LRRC4C: variants seen among roughly 807,000 people sequenced by gnomAD.
The protein encoded by LRRC4C is leucine rich repeat containing 4C.
A neutral mutation model predicts 33.6 loss-of-function variants in LRRC4C; 5 were observed. The ratio of observed to expected loss-of-function variants is 0.15; its 90% CI spans 0.08 to 0.31. The LOEUF (loss-of-function observed/expected upper bound fraction) is 0.31. Ranked by LOEUF, LRRC4C falls within the 10% of genes least tolerant of loss-of-function variation. LRRC4C has a pLI of 1.00. For synonymous variants in LRRC4C, 329 were observed against 302.0 expected (o/e 1.09, Z -0.93); for missense variants, 560 against 796.7 (o/e 0.70, Z 3.58).
At chr11:40,351,236 T>A (rs1947367669) in intron 3 of LRRC4C, among the ~76,000 whole-genome samples, 1 of 152,052 alleles carries the variant, frequency 6.6e-6, no homozygotes, top group African/African-American at 2.4e-5. Context: ...TGATGATTTC[T>A]AGTTTTATTT....
intron 1 of LRRC4C, among the ~76,000 whole-genome samples, chr11:41,028,458 T>C (rs1330121479): frequency 6.6e-6 from 1 of 151,626 alleles, no homozygotes; most frequent in Non-Finnish European, 1.5e-5. Context: ...TCAGAATTAT[T>C]GCAATTTCAT....
chr11:41,437,286 G>A (rs1257234930), intron 1 of LRRC4C, among the ~76,000 whole-genome samples: 3 of 152,188 alleles, frequency 2.0e-5, no homozygotes, highest in Non-Finnish European at 2.9e-5. Context: ...TAGTTGTACA[G>A]TCTAGTCTCT....
At chr11:40,959,924 A>T in intron 1 of LRRC4C, among the ~76,000 whole-genome samples, 1 of 151,862 alleles carries the variant, frequency 6.6e-6, no homozygotes, top group African/African-American at 2.4e-5. Context: ...GTAAATTTTT[A>T]TTTTCAATAA....
chr11:40,713,818 A>G (rs1389420623), intron 2 of LRRC4C, among the ~76,000 whole-genome samples: 1 of 152,230 alleles, frequency 6.6e-6, no homozygotes, highest in African/African-American at 2.4e-5. Flanking sequence ...CCCCAAACAA[A>G]GAGACTGTAG....
intron 2 of LRRC4C, among the ~76,000 whole-genome samples, chr11:40,677,407 A>T (rs1944460470): frequency 6.6e-6 from 1 of 152,086 alleles, no homozygotes; most frequent in South Asian, 2.1e-4. Context: ...AACAAGACAA[A>T]CATATGAACA....
chr11:40,546,104 T>A (rs934487731), intron 3 of LRRC4C, among the ~76,000 whole-genome samples: 4 of 149,586 alleles, frequency 2.7e-5, no homozygotes, highest in African/African-American at 5.0e-5. Flanking sequence ...CTTCCTTCCT[T>A]CCTTCCTTCC....
At position 41,135,949 on chromosome 11, in the gene LRRC4C, T is replaced by C. The variant is rs12223980; in HGVS notation, c.-495-202226A>G. On this transcript the variant is annotated intron_variant, in intron 1 of 6. Transcript: ENST00000528697. ...TGCATGCCCTTTGCACCAGTTACAA[T>C]TGTAACCCTTATTGGACATCTACAC... Among the ~76,000 whole-genome samples, 87 of 150,368 alleles carry C rather than the reference T, an allele frequency of 5.8e-4. 2 individuals carry two copies. In the East Asian group the frequency reaches 0.017, roughly 30 times the overall value.
At chr11:41,171,070 G>A (rs922657321) in intron 1 of LRRC4C, among the ~76,000 whole-genome samples, 2 of 151,994 alleles carry the variant, frequency 1.3e-5, no homozygotes, top group Non-Finnish European at 2.9e-5. Flanking sequence ...TCTCACACCA[G>A]TTAGAATGGT....
intron 1 of LRRC4C, among the ~76,000 whole-genome samples, chr11:41,374,088 T>C (rs768955): frequency 0.18 from 26,923 of 152,154 alleles, 2,706 homozygotes; most frequent in East Asian, 0.41. Context: ...CTATGTGATC[T>C]TGATGACTTC....
chr11:41,449,768 G>GA (rs35510106), intron 1 of LRRC4C, among the ~76,000 whole-genome samples: 2,976 of 108,406 alleles, frequency 0.027, 89 homozygotes, highest in African/African-American at 0.082. Context: ...CCTCTTGATG[G>GA]AAAAAAAAAA....
chr11:40,724,544 A>AC (rs1246615967), intron 2 of LRRC4C, among the ~76,000 whole-genome samples: 1 of 151,690 alleles, frequency 6.6e-6, no homozygotes, highest in Non-Finnish European at 1.5e-5. Flanking sequence ...AAATAAAAAA[A>AC]ATTATTGGCA....
intron 3 of LRRC4C, among the ~76,000 whole-genome samples, chr11:40,567,865 T>C (rs1322098823): frequency 6.6e-6 from 1 of 152,208 alleles, no homozygotes; most frequent in Non-Finnish European, 1.5e-5. Flanking sequence ...TATTCATGTA[T>C]GTATACTTTT....
chr11:41,177,265 C>T lies in LRRC4C; in HGVS notation c.-495-243542G>A, dbSNP rs1028434020. Among the ~76,000 whole-genome samples, 21 of 152,186 alleles carry T rather than the reference C, an allele frequency of 1.4e-4. 2 individuals are homozygous for T. The highest frequency in any genetic ancestry group is 1.4e-3 in the Admixed American group (21 of 15,284). On this transcript the variant is annotated intron_variant, in intron 1 of 6. Coordinates refer to ENST00000528697, the MANE Select transcript of LRRC4C (RefSeq NM_001258419.2). ...GTGTATGTTCATCAACGGGGAATAA[C>T]CTGGTAGAAAAGTGCAAATGGTAAT...
intron 5 of LRRC4C, among the ~76,000 whole-genome samples, chr11:40,151,174 T>C (rs1858174215): frequency 6.6e-6 from 1 of 152,216 alleles, no homozygotes; most frequent in Non-Finnish European, 1.5e-5. Context: ...GAGTTTGCCC[T>C]GTCCAGTGAC....
chr11:40,759,221 A>ATATAT (rs1363371868), intron 2 of LRRC4C, among the ~76,000 whole-genome samples: 1 of 147,400 alleles, frequency 6.8e-6, no homozygotes, highest in Admixed American at 6.9e-5. Flanking sequence ...ATAATCGTCC[A>ATATAT]TATATTATAT....
chr11:41,342,396 T>C (rs1337639527), intron 1 of LRRC4C, among the ~76,000 whole-genome samples: 1 of 152,156 alleles, frequency 6.6e-6, no homozygotes, highest in Non-Finnish European at 1.5e-5. Context: ...TATTTAGAAA[T>C]GACCCTCAAC....
At chr11:40,620,605 A>G (rs1489973398) in intron 3 of LRRC4C, among the ~76,000 whole-genome samples, 1 of 151,840 alleles carries the variant, frequency 6.6e-6, no homozygotes, top group African/African-American at 2.4e-5. Flanking sequence ...TACAAATAAA[A>G]TGATGAAGTG....
intron 5 of LRRC4C, among the ~76,000 whole-genome samples, chr11:40,208,277 A>G (rs1477744151): frequency 6.6e-6 from 1 of 152,194 alleles, no homozygotes; most frequent in Non-Finnish European, 1.5e-5. Flanking sequence ...TGTTGAGCAA[A>G]TTGCAAATGA....
chr11:40,828,083 T>A (rs1952243062), intron 2 of LRRC4C, among the ~76,000 whole-genome samples: 1 of 151,444 alleles, frequency 6.6e-6, no homozygotes, highest in African/African-American at 2.4e-5. Flanking sequence ...GCTAAAAAAT[T>A]GTGGAGCTAA....
Sources: allele counts gnomAD v4.1 joint callset (sites outside exome capture counted in the v4.1 genomes callset), GRCh38; gene constraint gnomAD v4.1.1; transcripts MANE v1.5; gene names NCBI Gene and HGNC (gene_info 2026-07-23, HGNC 2026-07-21).